NALF1: variants seen among roughly 807,000 people sequenced by gnomAD.
The protein encoded by NALF1 is family with sequence similarity 155 member A.
NALF1 carries 3 observed loss-of-function variants against 48.4 expected under a neutral mutation model. The observed-to-expected ratio is 0.06, with a 90% CI of 0.03 to 0.16. NALF1 has a LOEUF of 0.16. Among genes scored for constraint, NALF1 ranks in the 10% least tolerant of loss-of-function variants. NALF1 has a pLI of 1.00. For synonymous variants in NALF1, 262 were observed against 245.7 expected (o/e 1.07, Z -0.62); for missense variants, 526 against 571.5 (o/e 0.92, Z 0.81).
intron 1 of NALF1, among the ~76,000 whole-genome samples, chr13:107,325,522 T>C (rs1404865757): frequency 6.6e-6 from 1 of 152,024 alleles, no homozygotes; most frequent in East Asian, 1.9e-4. Context: ...AATATTTTAT[T>C]ATACAGTCAC....
chr13:107,556,731 C>T (rs1877495312), intron 1 of NALF1, among the ~76,000 whole-genome samples: 1 of 152,068 alleles, frequency 6.6e-6, no homozygotes, highest in East Asian at 1.9e-4. Flanking sequence ...GGTGATCCAC[C>T]CGACTCAGCC....
rs568510826 is a variant in NALF1 at position 107,536,687 on chromosome 13, T to C, written c.916-325932A>G. Among the ~76,000 whole-genome samples the C allele has an allele frequency of 1.1e-4, 16 of 152,270 alleles. No homozygotes were observed. In the East Asian group the frequency reaches 3.1e-3, roughly 29 times the overall value. The stretch of plus-strand genomic sequence containing the variant: ...TCAGTGTGGTGATTCCTCAGGGATC[T>C]AGAACTAGAAATACCATTTGACCCA... On this transcript the variant is annotated intron_variant, in intron 1 of 2. Coordinates refer to ENST00000375915, the MANE Select transcript of NALF1 (RefSeq NM_001080396.3).
intron 1 of NALF1, among the ~76,000 whole-genome samples, chr13:107,857,528 A>G (rs1314329581): frequency 6.6e-6 from 1 of 152,202 alleles, no homozygotes; most frequent in Non-Finnish European, 1.5e-5. Flanking sequence ...TGTGAACCAA[A>G]GTGTTCAAGG....
rs186518668 is a variant in NALF1 at position 107,698,927 on chromosome 13, G to A, written c.915+166755C>T. ...AGCATTGGGAATATCAGAGCAATAA[G>A]ATTCAAGAAGTCTGGGATCCTGATG... On this transcript the variant is annotated intron_variant, in intron 1 of 2. Transcript: ENST00000375915. Among the ~76,000 whole-genome samples the A allele has an allele frequency of 7.8e-4, 119 of 152,176 alleles. 1 individual carries two copies. The highest frequency in any genetic ancestry group is 2.7e-3 in the African/African-American group (112 of 41,526).
intron 1 of NALF1, among the ~76,000 whole-genome samples, chr13:107,346,070 T>A (rs1277753433): frequency 1.3e-5 from 2 of 151,874 alleles, no homozygotes; most frequent in Non-Finnish European, 2.9e-5. Context: ...TATCACCCCA[T>A]ACCCACTAGG....
intron 1 of NALF1, among the ~76,000 whole-genome samples, chr13:107,800,497 T>C (rs888507102): frequency 6.6e-6 from 1 of 150,384 alleles, no homozygotes; most frequent in African/African-American, 2.4e-5. Flanking sequence ...CTTCAATGTG[T>C]ACCATCATAA....
chr13:107,279,348 C>T (rs141697307), intron 1 of NALF1, among the ~76,000 whole-genome samples: 187 of 152,168 alleles, frequency 1.2e-3, no homozygotes, highest in Admixed American at 2.4e-3. Flanking sequence ...CTCTGCCACC[C>T]GGGTTCAAGC....
intron 1 of NALF1, among the ~76,000 whole-genome samples, chr13:107,377,950 C>T (rs2138970921): frequency 6.6e-6 from 1 of 151,998 alleles, no homozygotes; most frequent in Non-Finnish European, 1.5e-5. Context: ...TAATATTCCT[C>T]TCTCAAAGCA....
At chr13:107,582,017 CTG>C (rs1253049096) in intron 1 of NALF1, among the ~76,000 whole-genome samples, 1 of 152,162 alleles carries the variant, frequency 6.6e-6, no homozygotes, top group Non-Finnish European at 1.5e-5. Context: ...TCTAGGAATT[CTG>C]TGTTTCATTC....
chr13:107,535,754 A>G (rs1876785905), intron 1 of NALF1, among the ~76,000 whole-genome samples: 2 of 152,340 alleles, frequency 1.3e-5, no homozygotes, highest in South Asian at 4.1e-4. Context: ...ACCAAAAAAG[A>G]GTCCACATTG....
chr13:107,451,847 C>T (rs138797935), intron 1 of NALF1, among the ~76,000 whole-genome samples: 5 of 152,244 alleles, frequency 3.3e-5, no homozygotes, highest in East Asian at 3.9e-4. Flanking sequence ...TCGATAATAA[C>T]GTTACTGGCC....
At chr13:107,403,167 G>T (rs1883838129) in intron 1 of NALF1, among the ~76,000 whole-genome samples, 1 of 94,700 alleles carries the variant, frequency 1.1e-5, no homozygotes, top group Admixed American at 1.2e-4. Context: ...ACTCACTTCT[G>T]CTTGGTTTCT....
chr13:107,503,491 A>G lies in NALF1; in HGVS notation c.916-292736T>C, dbSNP rs1315209437. Among the ~76,000 whole-genome samples, 7 of 152,108 alleles carry G rather than the reference A, an allele frequency of 4.6e-5. No homozygotes were observed. The East Asian group carries it at 5.8e-4, about 13-fold the overall frequency. On this transcript the variant is annotated intron_variant, in intron 1 of 2. Transcript: ENST00000375915. The stretch of plus-strand genomic sequence containing the variant: ...TGTGGCAGAAAGGGAACCTTAATAC[A>G]CTGTTGGTGGGAACGTCAATTGGTA...
At chr13:107,262,538 G>C (rs1880948989) in intron 1 of NALF1, among the ~76,000 whole-genome samples, 1 of 152,200 alleles carries the variant, frequency 6.6e-6, no homozygotes, top group African/African-American at 2.4e-5. Flanking sequence ...CTCTGGAAGA[G>C]TTAATTCACT....
chr13:107,347,484 T>G (rs1882794859), intron 1 of NALF1, among the ~76,000 whole-genome samples: 1 of 152,334 alleles, frequency 6.6e-6, no homozygotes, highest in African/African-American at 2.4e-5. Context: ...GAATAGTCCA[T>G]GTAATTATCA....
intron 1 of NALF1, among the ~76,000 whole-genome samples, chr13:107,428,597 T>C (rs529762612): frequency 1.1e-4 from 16 of 152,142 alleles, no homozygotes; most frequent in South Asian, 4.2e-4. Context: ...AACAGAACAA[T>C]AGGAAATGTT....
chr13:107,405,680 T>G (rs1883886718), intron 1 of NALF1, among the ~76,000 whole-genome samples: 1 of 152,018 alleles, frequency 6.6e-6, no homozygotes, highest in Non-Finnish European at 1.5e-5. Flanking sequence ...GGTCATACTG[T>G]GGCCACACTG....
At chr13:107,778,828 A>G (rs1190006067) in intron 1 of NALF1, among the ~76,000 whole-genome samples, 3 of 152,132 alleles carry the variant, frequency 2.0e-5, no homozygotes, top group African/African-American at 7.2e-5. Flanking sequence ...TTACTTGATG[A>G]TTCCCTGAAA....
At chr13:107,672,293 CTAA>C (rs1239461008) in intron 1 of NALF1, among the ~76,000 whole-genome samples, 1 of 152,194 alleles carries the variant, frequency 6.6e-6, no homozygotes, top group Non-Finnish European at 1.5e-5. Flanking sequence ...CACTTTCAAT[CTAA>C]TAATATCTCA....
Sources: gnomAD v4.1 joint callset for allele counts (sites outside exome capture counted in the v4.1 genomes callset) on GRCh38, gnomAD v4.1.1 for gene constraint, MANE v1.5 for transcripts, NCBI Gene and HGNC (gene_info 2026-07-23, HGNC 2026-07-21) for gene names.